FAM184B: variants seen among roughly 807,000 people sequenced by gnomAD.
The protein encoded by FAM184B is family with sequence similarity 184 member B.
FAM184B carries 111 observed loss-of-function variants against 135.9 expected under a neutral mutation model. The observed-to-expected ratio is 0.82, with a 90% confidence interval of 0.70 to 0.96. The LOEUF (loss-of-function observed/expected upper bound fraction) is 0.96. FAM184B is among the 40% of genes least tolerant of loss of function. The pLI is 0.00. For synonymous variants in FAM184B, 552 were observed against 524.8 expected, an observed-to-expected ratio of 1.05 and a Z score of -0.71; for missense variants, 1,375 against 1,323.9, an observed-to-expected ratio of 1.04 and a Z score of -0.60.
chr4:17,752,078 G>A (rs1718308871), intron 1 of FAM184B, among the ~76,000 whole-genome samples: 1 of 152,014 alleles, frequency 6.6e-6, no homozygotes, highest in East Asian at 1.9e-4. Flanking sequence ...ACAGTAACAG[G>A]AGCTCTTGGT....
chr4:17,755,167 T>C (rs1408670810), intron 1 of FAM184B, among the ~76,000 whole-genome samples: 1 of 152,214 alleles, frequency 6.6e-6, no homozygotes, highest in Non-Finnish European at 1.5e-5. Flanking sequence ...TCTAAAATTC[T>C]TTTATACCTC....
intron 1 of FAM184B, among the ~76,000 whole-genome samples, chr4:17,743,553 C>T (rs899256391): frequency 2.0e-5 from 3 of 152,184 alleles, no homozygotes; most frequent in Non-Finnish European, 4.4e-5. Context: ...CTGCGGTGAT[C>T]TTCCTCCCCA....
chr4:17,659,912 G>C (rs548754163), intron 9 of FAM184B, 46 bp downstream of exon 9: 578 of 1,545,652 alleles, frequency 3.7e-4, no homozygotes, highest in Non-Finnish European at 4.8e-4. Context: ...AAAAGGAGGG[G>C]GCAGGATCTC....
intron 14 of FAM184B, among the ~76,000 whole-genome samples, chr4:17,638,134 C>CTTTTTTTTTTTTTTTTTT (rs56926847): frequency 4.1e-5 from 3 of 73,408 alleles, no homozygotes; most frequent in Admixed American, 1.8e-4. Context: ...TAACTGTTTG[C>CTTTTTTTTTTTTTTTTTT]TTTTTTTTTT....
chr4:17,742,168 A>ATATATATATATATATATTTTT (rs1459958150), intron 1 of FAM184B, among the ~76,000 whole-genome samples: 1 of 109,310 alleles, frequency 9.1e-6, no homozygotes, highest in African/African-American at 4.8e-5. Flanking sequence ...ATATATATAT[A>ATATATATATATATATATTTTT]TTTTTTTTTT....
intron 12 of FAM184B, among the ~76,000 whole-genome samples, chr4:17,642,655 A>G (rs1715355371): frequency 6.6e-6 from 1 of 152,152 alleles, no homozygotes; most frequent in South Asian, 2.1e-4. Context: ...AAATCTTGCT[A>G]ACTCTGGCTC....
chr4:17,650,182 G>GTCCATCCA (rs548409980), intron 11 of FAM184B, among the ~76,000 whole-genome samples: 7 of 150,272 alleles, frequency 4.7e-5, no homozygotes, highest in Non-Finnish European at 7.4e-5. Flanking sequence ...CCATCCACTT[G>GTCCATCCA]TCCATCCATC....
intron 1 of FAM184B, among the ~76,000 whole-genome samples, chr4:17,726,741 C>T (rs539947246): frequency 3.3e-5 from 5 of 152,254 alleles, no homozygotes; most frequent in Middle Eastern, 3.4e-3. Flanking sequence ...GGCTTTATTC[C>T]TTGGTAGGCT....
At chr4:17,760,289 A>C (rs941085185) in intron 1 of FAM184B, among the ~76,000 whole-genome samples, 4 of 151,610 alleles carry the variant, frequency 2.6e-5, no homozygotes, top group African/African-American at 9.7e-5. Flanking sequence ...CATGGTGAAA[A>C]CCCATCTCTA....
At chr4:17,774,831 C>T (rs192467828) in intron 1 of FAM184B, among the ~76,000 whole-genome samples, 7 of 152,254 alleles carry the variant, frequency 4.6e-5, no homozygotes, top group Admixed American at 2.0e-4. Context: ...TACTCAGAAT[C>T]GCCTATTTTA....
At chr4:17,703,953 A>G (rs1717049539) in intron 5 of FAM184B, among the ~76,000 whole-genome samples, 1 of 152,074 alleles carries the variant, frequency 6.6e-6, no homozygotes, top group South Asian at 2.1e-4. Context: ...GCAAAAAGCA[A>G]AAAAAGAAAT....
chr4:17,689,542 C>A (rs1716671732), intron 6 of FAM184B, among the ~76,000 whole-genome samples: 1 of 152,138 alleles, frequency 6.6e-6, no homozygotes, highest in Non-Finnish European at 1.5e-5. Context: ...ATGTTTATAA[C>A]CCCAATGACA....
chr4:17,698,284 C>A (rs368993213), intron 5 of FAM184B, among the ~76,000 whole-genome samples: 1 of 152,064 alleles, frequency 6.6e-6, no homozygotes, highest in African/African-American at 2.4e-5. Context: ...TTATGGCACC[C>A]ATTTTACACA....
At chr4:17,705,974 T>C in intron 3 of FAM184B, 83 bp from the exon 4 acceptor site, 1 of 1,513,708 alleles carries the variant, frequency 6.6e-7, no homozygotes, top group Non-Finnish European at 8.9e-7. Context: ...AGGCCCCCGT[T>C]CCGCTTTACA....
At chr4:17,740,350 TC>T (rs1718005923) in intron 1 of FAM184B, among the ~76,000 whole-genome samples, 1 of 8,062 alleles carries the variant, frequency 1.2e-4, no homozygotes, top group African/African-American at 3.6e-4. Flanking sequence ...AGACCCTGTC[TC>T]AAAAAAAAAA....
At chr4:17,762,687 G>A (rs1444173468) in intron 1 of FAM184B, among the ~76,000 whole-genome samples, 1 of 152,216 alleles carries the variant, frequency 6.6e-6, no homozygotes, top group African/African-American at 2.4e-5. Context: ...AGGAGTGAGT[G>A]ACTATTTGGT....
At chr4:17,742,617 G>A (rs1176728073) in intron 1 of FAM184B, among the ~76,000 whole-genome samples, 7 of 152,154 alleles carry the variant, frequency 4.6e-5, no homozygotes, top group Non-Finnish European at 1.0e-4. Flanking sequence ...GAGGTTACAA[G>A]CAGCTGAGCC....
chr4:17,632,488 A>C lies in FAM184B; in HGVS notation c.*44T>G. The C allele has an allele frequency of 7.1e-7, 1 of 1,411,536 alleles. No individual in the cohort carries two copies. Among genetic ancestry groups the C allele is most frequent in the Non-Finnish European group, 9.7e-7 (1 of 1,028,890 alleles). The allele number at this position is 1,411,536 out of a possible 1,614,324, so 87.4% of individuals were successfully genotyped here. ...TTCCTTCAATCGGATGATTTAAAAT[A>C]AATGTTTTTCAAGTATCCTCTGTGA... On this transcript the variant is annotated 3_prime_UTR_variant, in exon 18 of 18. Transcript: ENST00000265018.
chr4:17,765,627 T>A (rs1718653501), intron 1 of FAM184B, among the ~76,000 whole-genome samples: 1 of 152,250 alleles, frequency 6.6e-6, no homozygotes, highest in Non-Finnish European at 1.5e-5. Context: ...GATAAACTTT[T>A]CACCCTCTCT....
Sources: allele counts gnomAD v4.1 joint callset (sites outside exome capture counted in the v4.1 genomes callset), GRCh38; gene constraint gnomAD v4.1.1; transcripts MANE v1.5; gene names NCBI Gene and HGNC (gene_info 2026-07-23, HGNC 2026-07-21).